The following PHF14 variants were observed in gnomAD, a reference collection of about 807,000 sequenced individuals.
PHF14 encodes the protein PHD finger protein 14.
In PHF14, 55 loss-of-function variants were observed where a neutral mutation model predicts 117.9. The ratio of observed to expected loss-of-function variants is 0.47; its 90% confidence interval spans 0.38 to 0.58. PHF14 has a LOEUF of 0.58. Among genes scored for constraint, PHF14 ranks in the 20% least tolerant of loss-of-function variants. The pLI is 0.00. For missense variants in PHF14, 978 were observed against 1,122.2 expected, an observed-to-expected ratio of 0.87 and a Z score of 1.84; for synonymous variants, 409 against 368.6, an observed-to-expected ratio of 1.11 and a Z score of -1.26.
chr7:11,143,799 GAC>G (rs1452040026), intron 17 of PHF14, among the ~76,000 whole-genome samples: 1 of 151,886 alleles, frequency 6.6e-6, no homozygotes, highest in African/African-American at 2.4e-5. Flanking sequence ...AATGTATCTA[GAC>G]AAGTGACATG....
intron 16 of PHF14, among the ~76,000 whole-genome samples, chr7:11,065,763 C>T: frequency 6.6e-6 from 1 of 152,118 alleles, no homozygotes; most frequent in East Asian, 1.9e-4. Flanking sequence ...TTAGGAATAA[C>T]ACCAAACTTC....
chr7:11,131,308 C>T (rs1319779759), intron 17 of PHF14, among the ~76,000 whole-genome samples: 1 of 151,820 alleles, frequency 6.6e-6, no homozygotes, highest in African/African-American at 2.4e-5. Context: ...GTTGTTGTTC[C>T]ATATCTTTGC....
At chr7:11,049,525 A>G (rs983967692) in intron 13 of PHF14, among the ~76,000 whole-genome samples, 2 of 151,992 alleles carry the variant, frequency 1.3e-5, no homozygotes, top group East Asian at 1.9e-4. Flanking sequence ...GAAACTGACT[A>G]CATTTCACTC....
Position 10,990,747 on chromosome 7 carries a change from A to C in PHF14, c.945A>C (p.Lys315Asn). ...LEKSQNWSSQ[K>N]MDHILICCVC... ...AGAGTCAAAACTGGAGCTCTCAAAAAATGGACCATATTCTGATTTGCTGTG... is the reference window on the plus strand; with the variant it reads ...AGAGTCAAAACTGGAGCTCTCAAAACATGGACCATATTCTGATTTGCTGTG... The change falls in exon 4 of 18, where the codon AAA becomes AAC. Residue 315 changes from lysine to asparagine, a missense_variant. Lys to Asn is a moderately conservative substitution (Grantham distance 94, BLOSUM62 0). Transcript: ENST00000634607. 1 of 1,569,362 alleles carries C rather than the reference A, an allele frequency of 6.4e-7. No homozygotes were observed. Among genetic ancestry groups the C allele is most frequent in the Non-Finnish European group, 8.7e-7 (1 of 1,153,902 alleles).
At chr7:11,036,341 T>TA in intron 8 of PHF14, 77 bp from the exon 9 acceptor site, 2 of 1,235,524 alleles carry the variant, frequency 1.6e-6, no homozygotes, top group Non-Finnish European at 2.3e-6. Flanking sequence ...AACATGGGAA[T>TA]AAAAATCAAT....
Position 11,040,637 on chromosome 7 carries a change from A to G in PHF14, c.2077-35A>G, listed in dbSNP as rs1210456999. 2.6e-6 allele frequency: 3 copies of G among 1,144,374 alleles called. No individual in the cohort carries two copies. The African/African-American group carries it at 4.8e-5, about 18-fold the overall frequency. 70.9% of individuals were successfully genotyped at this position (1,144,374 alleles called of 1,614,324 possible). A position where few individuals can be genotyped will look rare whatever the true frequency, so the allele number is the denominator to read the frequency against. ...AAAATGTTGCTTTTATTTCTTTCTT[A>G]AAACAATATATACTACATTTGTTCA... On this transcript the variant is annotated intron_variant, in intron 11 of 17. Transcript: ENST00000634607.
intron 3 of PHF14, among the ~76,000 whole-genome samples, chr7:10,983,369 A>C (rs1329459276): frequency 2.0e-5 from 3 of 152,206 alleles, no homozygotes; most frequent in African/African-American, 7.2e-5. Flanking sequence ...AGGAGCTCAC[A>C]ATCTCTGTCC....
chr7:11,043,851 A>G (rs1216697974), intron 13 of PHF14, among the ~76,000 whole-genome samples: 2 of 152,078 alleles, frequency 1.3e-5, no homozygotes, highest in African/African-American at 4.8e-5. Flanking sequence ...AGCTAGTTTG[A>G]TAGTCTCCAG....
In PHF14 at chr7:10,973,980, A is replaced by G; in HGVS notation, c.-344A>G. The stretch of plus-strand genomic sequence containing the variant: ...TTCGTTGCTTCTGGTCCAGGCTAAT[A>G]AAGTTTTTCTTTCTTTAATTTTTTT... On this transcript the variant is annotated 5_prime_UTR_variant, in exon 1 of 18. The change creates a new upstream start codon in the 5' untranslated region. Coordinates refer to ENST00000634607, the MANE Select transcript of PHF14 (RefSeq NM_001007157.2). The G allele has an allele frequency of 3.8e-6, 1 of 260,524 alleles. No homozygotes were observed. Among genetic ancestry groups the G allele is most frequent in the Non-Finnish European group, 7.5e-6 (1 of 132,872 alleles). 16.1% of individuals were successfully genotyped at this position (260,524 alleles called of 1,614,324 possible). A position where few individuals can be genotyped will look rare whatever the true frequency, so the allele number is the denominator to read the frequency against.
chr7:11,148,409 T>G (rs1788612105), intron 17 of PHF14, among the ~76,000 whole-genome samples: 1 of 152,182 alleles, frequency 6.6e-6, no homozygotes, highest in Admixed American at 6.5e-5. Context: ...CCTGTGCCTG[T>G]ACATTCTCTT....
chr7:11,149,755 A>T (rs10499379), intron 17 of PHF14, among the ~76,000 whole-genome samples: 22,475 of 152,062 alleles, frequency 0.15, 2,088 homozygotes, highest in African/African-American at 0.27. Context: ...GATTTTCCTC[A>T]TGAATGAATA....
At chr7:11,032,303 A>G (rs1014173080) in intron 7 of PHF14, among the ~76,000 whole-genome samples, 1 of 152,204 alleles carries the variant, frequency 6.6e-6, no homozygotes, top group Non-Finnish European at 1.5e-5. Flanking sequence ...TTATTATTGT[A>G]TTTAAATGTT....
At chr7:11,141,588 T>C (rs942799905) in intron 17 of PHF14, among the ~76,000 whole-genome samples, 1 of 152,114 alleles carries the variant, frequency 6.6e-6, no homozygotes, top group Admixed American at 6.6e-5. Context: ...CCTGGCATTG[T>C]GTTATATAAT....
intron 4 of PHF14, chr7:11,006,406 A>T: frequency 5.7e-6 from 3 of 523,696 alleles, no homozygotes; most frequent in South Asian, 4.2e-5. Flanking sequence ...AGTTTAGATG[A>T]TCCCAATTTT....
chr7:11,010,329 A>G (rs146040210), intron 4 of PHF14, among the ~76,000 whole-genome samples: 98 of 152,232 alleles, frequency 6.4e-4, no homozygotes, highest in African/African-American at 2.1e-3. Flanking sequence ...AAAGTAATGT[A>G]TATCTACCCA....
intron 1 of PHF14, 23 bp downstream of exon 1, chr7:10,974,347 C>A: frequency 6.3e-7 from 1 of 1,580,686 alleles, no homozygotes; most frequent in African/African-American, 1.3e-5. Flanking sequence ...GAGGCCTCTG[C>A]GGCGAGAGGT....
chr7:11,111,071 C>T (rs1347049591), intron 16 of PHF14: 1 of 260,016 alleles, frequency 3.8e-6, no homozygotes, highest in Non-Finnish European at 7.3e-6. Context: ...TATACATATA[C>T]GTTCATTCAT....
At chr7:11,063,776 A>T (rs1785322522) in intron 16 of PHF14, 1 of 671,798 alleles carries the variant, frequency 1.5e-6, no homozygotes, top group African/African-American at 2.0e-5. Flanking sequence ...GTCGTTTAAT[A>T]AAAAAAGTGC....
In PHF14 at chr7:11,072,220, A is replaced by C. The variant is rs111540292; in HGVS notation, c.2654+10135A>C. Among the ~76,000 whole-genome samples, 67 of 152,256 alleles carry C rather than the reference A, an allele frequency of 4.4e-4. 3 individuals carry two copies. The highest frequency in any genetic ancestry group is 1.6e-3 in the African/African-American group (65 of 41,544). The stretch of plus-strand genomic sequence containing the variant: ...AGGGGGTAAAGGCATCTTATGTGGC[A>C]GGGGCCAGGGGCAAAGAGAGAGATG... On this transcript the variant is annotated intron_variant, in intron 16 of 17. Transcript: ENST00000634607.
Sources: gnomAD v4.1 joint callset for allele counts (sites outside exome capture counted in the v4.1 genomes callset) on GRCh38, gnomAD v4.1.1 for gene constraint, MANE v1.5 for transcripts, NCBI Gene and HGNC (gene_info 2026-07-23, HGNC 2026-07-21) for gene names.